The following PPP6R2 variants were observed in gnomAD, a reference collection of about 807,000 sequenced individuals.
PPP6R2 encodes serine/threonine-protein phosphatase 6 regulatory subunit 2.
PPP6R2 carries 62 observed loss-of-function variants against 100.2 expected under a neutral mutation model. The observed-to-expected ratio is 0.62, with a 90% CI of 0.50 to 0.76. PPP6R2 has a LOEUF of 0.76. Among genes scored for constraint, PPP6R2 ranks in the 30% least tolerant of loss-of-function variants. The pLI, the probability that PPP6R2 is intolerant of heterozygous loss-of-function variation, is 0.00. For synonymous variants in PPP6R2, 525 were observed against 514.7 expected (o/e 1.02, Z -0.27); for missense variants, 1,142 against 1,276.3 (o/e 0.89, Z 1.60).
intron 19 of PPP6R2, 151 bp from the exon 20 acceptor site, chr22:50,439,550 G>T: frequency 2.4e-6 from 2 of 848,322 alleles, no homozygotes; most frequent in South Asian, 3.7e-5. Context: ...CTCCTTGAGG[G>T]GCTGACGGGC....
At chr22:50,374,561 A>T (rs1226829852) in intron 2 of PPP6R2, among the ~76,000 whole-genome samples, 1 of 152,200 alleles carries the variant, frequency 6.6e-6, no homozygotes, top group Non-Finnish European at 1.5e-5. Context: ...TCAGAAACTA[A>T]TAAAAGACCT....
chr22:50,432,436 T>G, intron 12 of PPP6R2, 107 bp downstream of exon 12: 7 of 1,132,248 alleles, frequency 6.2e-6, no homozygotes, highest in Non-Finnish European at 9.1e-6. Flanking sequence ...CAGGATCGGG[T>G]GGAGTGTAGG....
rs2066597179 is a variant in PPP6R2 at position 50,444,465 on chromosome 22, A to AGG, written c.*221_*222dup. 2 of 397,790 alleles carry AGG rather than the reference A, an allele frequency of 5.0e-6. No homozygotes were observed. Among genetic ancestry groups the AGG allele is most frequent in the South Asian group, 4.9e-5 (2 of 41,138 alleles). The allele number at this position is 397,790 out of a possible 1,614,324, so 24.6% of individuals were successfully genotyped here. On this transcript the variant is annotated 3_prime_UTR_variant, in exon 24 of 24. Coordinates refer to ENST00000612753, the MANE Select transcript of PPP6R2 (RefSeq NM_001242898.2). ...TCACTCGTGCCCTGCTGGAGGACAG[A>AGG]GGGGCACCTCAGCCGCCCCCAAGCC...
intron 4 of PPP6R2, among the ~76,000 whole-genome samples, chr22:50,413,355 G>A (rs2060042157): frequency 6.6e-6 from 1 of 152,152 alleles, no homozygotes; most frequent in Admixed American, 6.5e-5. Flanking sequence ...TATAGCAGGT[G>A]TGGTGGCTCC....
At chr22:50,409,668 C>T (rs2059465885) in intron 4 of PPP6R2, among the ~76,000 whole-genome samples, 1 of 152,030 alleles carries the variant, frequency 6.6e-6, no homozygotes, top group Non-Finnish European at 1.5e-5. Context: ...CCTCGTGATC[C>T]GCCCACCTTG....
chr22:50,377,405 G>C (rs1163082324), intron 2 of PPP6R2, among the ~76,000 whole-genome samples: 5 of 152,060 alleles, frequency 3.3e-5, no homozygotes, highest in Non-Finnish European at 7.4e-5. Flanking sequence ...CATTGTGCAA[G>C]TGCACTGCAG....
intron 1 of PPP6R2, among the ~76,000 whole-genome samples, chr22:50,365,067 T>A (rs578081862): frequency 9.5e-5 from 14 of 146,914 alleles, no homozygotes; most frequent in African/African-American, 3.5e-4. Context: ...ACATATGAGA[T>A]ACTTTTTTTT....
At chr22:50,381,781 T>G (rs1011207800) in intron 2 of PPP6R2, among the ~76,000 whole-genome samples, 2 of 151,484 alleles carry the variant, frequency 1.3e-5, no homozygotes, top group African/African-American at 4.8e-5. Flanking sequence ...GGTGGCGGGC[T>G]CCCGTAGTCC....
Position 50,431,351 on chromosome 22 carries a change from C to T in PPP6R2, c.1304C>T (p.Ala435Val). The T allele has an allele frequency of 6.2e-7, 1 of 1,612,942 alleles. No individual in the cohort carries two copies. Among genetic ancestry groups the T allele is most frequent in the Non-Finnish European group, 8.5e-7 (1 of 1,179,972 alleles). Residue 435 changes from alanine to valine, a missense_variant, in exon 11 of 24, where the codon GCC (alanine) becomes GTC (valine). Physicochemically the swap from Ala to Val is moderately conservative, Grantham distance 64. Transcript: ENST00000612753. The surrounding 1 kb of genome is among the most constrained non-coding windows in gnomAD (Gnocchi z 4.8). ...AGCCTGGAGACTCCCCAGCCGGCCG[C>T]CAGCCTCCCTGACAACACAATGGTG... ...NRSLETPQPA[A>V]SLPDNTMVTH...
At chr22:50,405,633 C>T (rs1396345496) in intron 3 of PPP6R2, among the ~76,000 whole-genome samples, 2 of 41,116 alleles carry the variant, frequency 4.9e-5, no homozygotes, top group African/African-American at 9.1e-5. Flanking sequence ...GCCTGGCAGG[C>T]GAGTGTGAAG....
chr22:50,442,999 T>TA (rs1160676126), intron 22 of PPP6R2: 3 of 151,580 alleles, frequency 2.0e-5, no homozygotes, highest in African/African-American at 7.3e-5. Flanking sequence ...AACCCGTCTC[T>TA]ACTAAAAATA....
In PPP6R2 at chr22:50,406,749, C is replaced by T. The variant is rs200665748; in HGVS notation, c.288C>T (p.Leu96=). ...ATGTGCCGCAGATCAGCGACCGCCT[C>T]GGTGGGGACGAGAGCCTGCTGAGCC... ...TCDVPQISDR[L]GGDESLLSLL... is the part of the protein sequence containing the mutation. The change falls in exon 4 of 24, where the codon CTC becomes CTT. Residue 96 remains leucine (L), a synonymous_variant. Transcript: ENST00000612753. The T allele has an allele frequency of 2.2e-5, 36 of 1,614,078 alleles. No homozygotes were observed. The highest frequency in any genetic ancestry group is 3.3e-4 in the Middle Eastern group (2 of 6,060).
intron 2 of PPP6R2, among the ~76,000 whole-genome samples, chr22:50,375,832 ATTTTTTTTTTTT>A (rs557118142): frequency 1.5e-5 from 1 of 64,556 alleles, no homozygotes; most frequent in South Asian, 9.1e-4. Context: ...ATCCCTGCAG[ATTTTTTTTTTTT>A]TTTTTTTTTT....
At chr22:50,426,765 C>T (rs976067659) in intron 10 of PPP6R2, among the ~76,000 whole-genome samples, 12 of 134,352 alleles carry the variant, frequency 8.9e-5, no homozygotes, top group African/African-American at 1.7e-4. Flanking sequence ...ACCTGGGAGG[C>T]GGAGGTTGCA....
upstream of PPP6R2, among the ~76,000 whole-genome samples, chr22:50,342,975 G>C (rs1247443834): frequency 6.6e-6 from 1 of 152,180 alleles, no homozygotes; most frequent in Non-Finnish European, 1.5e-5. Flanking sequence ...CCTGGGCCAC[G>C]GGGGAAACCC....
At chr22:50,355,782 A>G (rs987683397) in intron 1 of PPP6R2, among the ~76,000 whole-genome samples, 1 of 151,034 alleles carries the variant, frequency 6.6e-6, no homozygotes, top group Non-Finnish European at 1.5e-5. Flanking sequence ...CGGCCTCCCA[A>G]ATTGCTGGGA....
intron 15 of PPP6R2, 91 bp from the exon 16 acceptor site, chr22:50,437,415 G>A: frequency 1.2e-6 from 1 of 868,022 alleles, no homozygotes; most frequent in South Asian, 1.5e-5. Context: ...AACAACTAGA[G>A]AGATTGTGGT....
intron 22 of PPP6R2, among the ~76,000 whole-genome samples, chr22:50,442,644 G>A (rs889516305): frequency 2.0e-5 from 3 of 152,084 alleles, no homozygotes; most frequent in Admixed American, 1.3e-4. Context: ...CCGCCTCCCG[G>A]GTTCACGCCA....
At chr22:50,425,992 A>T (rs573538487) in intron 10 of PPP6R2, among the ~76,000 whole-genome samples, 1 of 150,724 alleles carries the variant, frequency 6.6e-6, no homozygotes, top group African/African-American at 2.4e-5. Flanking sequence ...AATTTTTTTT[A>T]GATGTAGGGT....
Sources: gnomAD v4.1 joint callset for allele counts (sites outside exome capture counted in the v4.1 genomes callset) on GRCh38, gnomAD v4.1.1 for gene constraint, Gnocchi (gnomAD v3.1) non-coding constraint, MANE v1.5 for transcripts, NCBI Gene and HGNC (gene_info 2026-07-23, HGNC 2026-07-21) for gene names.